The following DNAH1 variants were observed in gnomAD, a reference collection of about 807,000 sequenced individuals.
DNAH1 encodes the protein dynein axonemal heavy chain 1.
In DNAH1, 327 loss-of-function variants were observed where a neutral mutation model predicts 484.3. That is an observed-to-expected ratio of 0.68 (90% CI 0.62 to 0.74). DNAH1 has a LOEUF of 0.74. DNAH1 is among the 30% of genes least tolerant of loss of function. DNAH1 has a pLI of 0.00. For synonymous variants in DNAH1, 2,192 were observed against 2,191.9 expected (o/e 1.00, Z 0.00); for missense variants, 5,052 against 5,546.8 (o/e 0.91, Z 2.83).
chr3:52,357,206 C>A (rs965728284), intron 22 of DNAH1, among the ~76,000 whole-genome samples: 1 of 151,982 alleles, frequency 6.6e-6, no homozygotes, highest in African/African-American at 2.4e-5. Flanking sequence ...CATGCGCCAC[C>A]ACGCGTGGCT....
At chr3:52,321,174 T>C (rs1701134371) in intron 1 of DNAH1, among the ~76,000 whole-genome samples, 2 of 151,326 alleles carry the variant, frequency 1.3e-5, no homozygotes, top group Non-Finnish European at 2.9e-5. Flanking sequence ...TGGGGTGCAA[T>C]GGCGCGATCT....
At chr3:52,343,131 G>A (rs1335916169) in intron 8 of DNAH1, among the ~76,000 whole-genome samples, 1 of 152,202 alleles carries the variant, frequency 6.6e-6, no homozygotes, top group Admixed American at 6.5e-5. Context: ...GTGAGATGAG[G>A]CAGAGCCTGG....
chr3:52,333,535 C>A (rs1286219641), intron 8 of DNAH1, among the ~76,000 whole-genome samples: 4 of 151,898 alleles, frequency 2.6e-5, no homozygotes, highest in African/African-American at 9.7e-5. Flanking sequence ...TTAAAGGCAC[C>A]CGCCACTATG....
Position 52,346,598 on chromosome 3 carries a change from A to G in DNAH1, c.1783A>G (p.Lys595Glu). The G allele has an allele frequency of 1.2e-6, 2 of 1,614,072 alleles. No homozygotes were observed. The highest frequency in any genetic ancestry group is 1.7e-6 in the Non-Finnish European group (2 of 1,179,892). The change falls in exon 11 of 78, where the codon AAG becomes GAG. Residue 595 changes from lysine to glutamate, a missense_variant. Coordinates refer to ENST00000420323, the MANE Select transcript of DNAH1 (RefSeq NM_015512.5). ...ETNWEVYLMS[K>E]LRKLMELVKY... Reference sequence around the variant, plus strand: ...CAACTGGGAGGTGTACCTCATGTCCAAGCTGCGCAAGCTGATGGAGCTGGT... The same window carrying G: ...CAACTGGGAGGTGTACCTCATGTCCGAGCTGCGCAAGCTGATGGAGCTGGT...
Position 52,395,567 on chromosome 3 carries a change from G to T in DNAH1, c.11148G>T (p.Met3716Ile), listed in dbSNP as rs1191228086. Reference sequence around the variant, plus strand: ...TGCAGGGCCCTCGGGCAGAAGCCATGATGCGCAGCTCCATAGAGAGGGGCA... The same window carrying T: ...TGCAGGGCCCTCGGGCAGAAGCCATTATGCGCAGCTCCATAGAGAGGGGCA... Reference protein sequence around the residue: ...GQGQGPRAEAMMRSSIERGKW... With the variant: ...GQGQGPRAEAIMRSSIERGKW... The change falls in exon 70 of 78, where the codon ATG becomes ATT. Residue 3716 changes from methionine to isoleucine, a missense_variant. Around this residue, in one of 4 missense-constraint regions of DNAH1, gnomAD observed 853 missense variants for 899.0 expected, o/e 0.95. Coordinates refer to ENST00000420323, the MANE Select transcript of DNAH1 (RefSeq NM_015512.5). This position sits in a 1 kb window ranked among gnomAD's most constrained non-coding sequence, Gnocchi z 4.4. The T allele has an allele frequency of 6.2e-7, 1 of 1,613,818 alleles. No individual in the cohort carries two copies.
In DNAH1 at chr3:52,346,786, G is replaced by T; in HGVS notation, c.1955+16G>T. 1 of 1,595,644 alleles carries T rather than the reference G, an allele frequency of 6.3e-7. No individual in the cohort carries two copies. Among genetic ancestry groups the T allele is most frequent in the Admixed American group, 1.7e-5 (1 of 59,162 alleles). On this transcript the variant is annotated intron_variant, in intron 11 of 77. Coordinates refer to ENST00000420323, the MANE Select transcript of DNAH1 (RefSeq NM_015512.5). ...GCCCCTACAGGTGGGGCCCGGCGGG[G>T]CGGAGGCACCTGTTGACACCAGGTG... is the stretch of plus-strand genomic sequence containing the variant.
At chr3:52,392,259 G>C (rs959861464) in intron 63 of DNAH1, among the ~76,000 whole-genome samples, 1 of 152,206 alleles carries the variant, frequency 6.6e-6, no homozygotes. Context: ...GCCACCCAAG[G>C]TCTCACTGAG....
chr3:52,350,432 C>A, intron 15 of DNAH1, 76 bp from the exon 16 acceptor site: 1 of 1,401,134 alleles, frequency 7.1e-7, no homozygotes, highest in Non-Finnish European at 1.0e-6. Flanking sequence ...TAGTACCCGT[C>A]TCTGGGGAGC....
intron 5 of DNAH1, among the ~76,000 whole-genome samples, chr3:52,327,657 C>T (rs977375400): frequency 1.3e-5 from 2 of 152,160 alleles, no homozygotes; most frequent in Admixed American, 6.5e-5. Context: ...TTCACCCAAC[C>T]AGATGCTGTG....
Position 52,372,984 on chromosome 3 carries a change from G to T in DNAH1, c.6916G>T (p.Ala2306Ser), listed in dbSNP as rs1703413262. 6.2e-7 allele frequency: 1 copy of T among 1,613,624 alleles called. No homozygotes were observed. Among genetic ancestry groups the T allele is most frequent in the Non-Finnish European group, 8.5e-7 (1 of 1,179,870 alleles). Residue 2306 changes from alanine to serine, a missense_variant, in exon 44 of 78, where the codon GCA becomes TCA. This residue lies in a region of DNAH1 where 2,929 missense variants were observed against 3,409.4 expected (regional missense o/e 0.86). Transcript: ENST00000420323. ...LNMPALETYG[A>S]QPPIELLRQW... Reference sequence around the variant, plus strand: ...CATGCCGGCCCTGGAGACCTACGGTGCACAGCCACCCATCGAGCTGTTGCG... The same window carrying T: ...CATGCCGGCCCTGGAGACCTACGGTTCACAGCCACCCATCGAGCTGTTGCG...
intron 2 of DNAH1, among the ~76,000 whole-genome samples, 157 bp from the exon 3 acceptor site, chr3:52,323,651 G>A (rs535182862): frequency 3.3e-5 from 5 of 152,260 alleles, no homozygotes; most frequent in South Asian, 2.1e-4. Flanking sequence ...GCCTTTGAAC[G>A]GGGAATTGTG....
chr3:52,312,633 G>A (rs531849436), upstream of DNAH1, among the ~76,000 whole-genome samples: 2 of 151,956 alleles, frequency 1.3e-5, no homozygotes, highest in African/African-American at 4.8e-5. Flanking sequence ...ACCACGTCTG[G>A]CTAATTTTCG....
At chr3:52,313,475 G>A (rs1285277718), upstream of DNAH1, among the ~76,000 whole-genome samples, 1 of 152,152 alleles carries the variant, frequency 6.6e-6, no homozygotes, top group Non-Finnish European at 1.5e-5. Context: ...ACAGCCCCAG[G>A]TTCCTGTCCC....
In DNAH1 at chr3:52,361,125, C is replaced by A; in HGVS notation, c.4686-39C>A. On this transcript the variant is annotated intron_variant, in intron 28 of 77. Coordinates refer to ENST00000420323, the MANE Select transcript of DNAH1 (RefSeq NM_015512.5). The surrounding 1 kb of genome is among the most constrained non-coding windows in gnomAD (Gnocchi z 5.6). ...TCCAAGGAAAGGGGGAGTGTCCAGG[C>A]CATGTGCGGCCCGAGCCCACCTCCT... 1 of 1,483,902 alleles carries A rather than the reference C, an allele frequency of 6.7e-7. No homozygotes were observed. Among genetic ancestry groups the A allele is most frequent in the Admixed American group, 2.4e-5 (1 of 40,932 alleles). The allele number at this position is 1,483,902 out of a possible 1,614,324, so 91.9% of individuals were successfully genotyped here.
chr3:52,396,324 A>C (rs1462827118), intron 70 of DNAH1, 44 bp from the exon 71 acceptor site: 1 of 1,538,046 alleles, frequency 6.5e-7, no homozygotes, highest in South Asian at 1.2e-5. Flanking sequence ...CAGGGTGGCC[A>C]CCAGATATGG....
chr3:52,386,012 G>A, intron 54 of DNAH1, 148 bp from the exon 55 acceptor site: 1 of 894,452 alleles, frequency 1.1e-6, no homozygotes, highest in Non-Finnish European at 1.6e-6. Flanking sequence ...GAGGTGGAAG[G>A]GGCTCCTGGT....
At chr3:52,380,187 C>G (rs1703783210) in intron 48 of DNAH1, 52 bp downstream of exon 48, 1 of 1,490,536 alleles carries the variant, frequency 6.7e-7, no homozygotes, top group Admixed American at 2.0e-5. Context: ...CTTCAATCTG[C>G]CTCCCTGGGG....
rs1472967253 is a variant in DNAH1, at chr3:52,379,733, C to T, written c.7378-172C>T. Among the ~76,000 whole-genome samples the T allele has an allele frequency of 2.0e-5, 3 of 152,070 alleles. No homozygotes were observed. Among genetic ancestry groups the T allele is most frequent in the African/African-American group, 4.8e-5 (2 of 41,410 alleles). On this transcript the variant is annotated intron_variant, in intron 47 of 77. Coordinates refer to ENST00000420323, the MANE Select transcript of DNAH1 (RefSeq NM_015512.5). This position sits in a 1 kb window ranked among gnomAD's most constrained non-coding sequence, Gnocchi z 4.4. ...GCAATCCACCCCATCCTCAGCCAGC[C>T]AGCAGTTGCACTTGCCAGCAGCCCC...
intron 59 of DNAH1, 44 bp from the exon 60 acceptor site, chr3:52,389,415 CTG>C (rs1000186501): frequency 1.9e-6 from 3 of 1,608,762 alleles, no homozygotes; most frequent in Non-Finnish European, 1.7e-6. Context: ...TGGGAGGTCT[CTG>C]TGAGTGTCAT....
Sources: gnomAD v4.1 joint callset for allele counts (sites outside exome capture counted in the v4.1 genomes callset) on GRCh38, gnomAD v4.1.1 for gene constraint, gnomAD v4.1.1 regional missense constraint, Gnocchi (gnomAD v3.1) non-coding constraint, MANE v1.5 for transcripts, NCBI Gene and HGNC (gene_info 2026-07-23, HGNC 2026-07-21) for gene names.